Variants in PLXNC1 observed in about 807,000 individuals in gnomAD.
PLXNC1 encodes plexin-C1.
In PLXNC1, 75 loss-of-function variants were observed where a neutral mutation model predicts 178.2. The observed-to-expected ratio is 0.42, with a 90% CI of 0.35 to 0.51. The LOEUF (loss-of-function observed/expected upper bound fraction) is 0.51. Ranked by LOEUF, PLXNC1 falls within the 20% of genes least tolerant of loss-of-function variation. PLXNC1 has a pLI of 0.02. For missense variants in PLXNC1, 1,503 were observed against 1,984.4 expected (o/e 0.76, Z 4.61); for synonymous variants, 790 against 779.9 (o/e 1.01, Z -0.22).
chr12:94,170,610 C>T (rs1961808493), intron 2 of PLXNC1, among the ~76,000 whole-genome samples: 2 of 152,042 alleles, frequency 1.3e-5, no homozygotes, highest in South Asian at 4.2e-4. Flanking sequence ...AAATGTCTTG[C>T]CTGGAGACCT....
chr12:94,264,386 G>A (rs1276506119), intron 20 of PLXNC1, among the ~76,000 whole-genome samples: 1 of 152,194 alleles, frequency 6.6e-6, no homozygotes, highest in Admixed American at 6.5e-5. Flanking sequence ...AGTGTTTGGA[G>A]AAAAACCTTA....
chr12:94,165,544 C>A (rs1313050919), intron 1 of PLXNC1, among the ~76,000 whole-genome samples: 2 of 152,188 alleles, frequency 1.3e-5, no homozygotes, highest in Non-Finnish European at 2.9e-5. Flanking sequence ...AAGCATTTGT[C>A]CACGTCCTGG....
chr12:94,237,072 G>GT (rs1214096824), intron 9 of PLXNC1, among the ~76,000 whole-genome samples: 2 of 152,156 alleles, frequency 1.3e-5, no homozygotes, highest in Non-Finnish European at 2.9e-5. Flanking sequence ...GGAGGTTGTG[G>GT]TATCTACAAA....
At chr12:94,256,763 G>T (rs1964853761) in intron 17 of PLXNC1, among the ~76,000 whole-genome samples, 1 of 143,926 alleles carries the variant, frequency 6.9e-6, no homozygotes, top group African/African-American at 2.6e-5. Flanking sequence ...AAAAAGAAAT[G>T]TTCTTATCTT....
chr12:94,205,181 G>C (rs1447703981), intron 4 of PLXNC1, among the ~76,000 whole-genome samples: 1 of 152,068 alleles, frequency 6.6e-6, no homozygotes, highest in African/African-American at 2.4e-5. Flanking sequence ...GGAAACTTCA[G>C]CTCCTTTTCA....
intron 3 of PLXNC1, among the ~76,000 whole-genome samples, chr12:94,182,896 T>TATCTATC (rs1316136797): frequency 6.6e-6 from 1 of 151,812 alleles, no homozygotes; most frequent in Admixed American, 6.6e-5. Flanking sequence ...TCTATCTATC[T>TATCTATC]ATCTATCTAT....
chr12:94,171,452 A>G (rs993903224), intron 2 of PLXNC1, among the ~76,000 whole-genome samples: 12 of 152,264 alleles, frequency 7.9e-5, no homozygotes, highest in Non-Finnish European at 1.3e-4. Context: ...CCATGACACA[A>G]TGGGGCAGGC....
chr12:94,282,426 T>A, intron 23 of PLXNC1, 25 bp downstream of exon 23: 1 of 1,431,572 alleles, frequency 7.0e-7, no homozygotes, highest in Non-Finnish European at 9.9e-7. Flanking sequence ...TGACCCCGTG[T>A]CTCCTTCCTC....
In PLXNC1 at chr12:94,306,123, T is replaced by G. The variant is rs1476813405; in HGVS notation, c.*838T>G. 6.6e-6 allele frequency: 1 copy of G among 152,138 alleles called. No homozygotes were observed. Among genetic ancestry groups the G allele is most frequent in the Admixed American group, 6.5e-5 (1 of 15,276 alleles). 9.4% of individuals were successfully genotyped at this position (152,138 alleles called of 1,614,324 possible). Reference sequence around the variant, plus strand: ...TTCATTTCTGTTCCAAAACCTTTGATCAGAACGATCTGTGGAAGAGTAACT... The same window carrying G: ...TTCATTTCTGTTCCAAAACCTTTGAGCAGAACGATCTGTGGAAGAGTAACT... On this transcript the variant is annotated 3_prime_UTR_variant, in exon 31 of 31. Coordinates refer to ENST00000258526, the MANE Select transcript of PLXNC1 (RefSeq NM_005761.3).
Position 94,237,597 on chromosome 12 carries a change from CAG to C in PLXNC1, c.1981-65_1981-64del, listed in dbSNP as rs148777015. 454 of 1,443,238 alleles carry C rather than the reference CAG, an allele frequency of 3.1e-4. 4 individuals carry two copies. The African/African-American group carries it at 5.9e-3, about 19-fold the overall frequency. 89.4% of individuals were successfully genotyped at this position (1,443,238 alleles called of 1,614,324 possible). Reference sequence around the variant, plus strand: ...ATTTCTTCGAACTGCAGCGTATAAACAGATTTTTTTGGAGCGATGCCATTTCT... The same window carrying C: ...ATTTCTTCGAACTGCAGCGTATAAACATTTTTTTGGAGCGATGCCATTTCT... On this transcript the variant is annotated intron_variant, in intron 9 of 30. Coordinates refer to ENST00000258526, the MANE Select transcript of PLXNC1 (RefSeq NM_005761.3).
At chr12:94,187,312 G>T (rs1317320438) in intron 4 of PLXNC1, among the ~76,000 whole-genome samples, 1 of 152,194 alleles carries the variant, frequency 6.6e-6, no homozygotes, top group Non-Finnish European at 1.5e-5. Flanking sequence ...GACAGTTTGG[G>T]TTTAGAAAAG....
Position 94,149,209 on chromosome 12 carries a change from T to C in PLXNC1, c.238T>C (p.Tyr80His). The C allele has an allele frequency of 6.3e-7, 1 of 1,585,870 alleles. No homozygotes were observed. Among genetic ancestry groups the C allele is most frequent in the South Asian group, 1.1e-5 (1 of 88,388 alleles). ...CCTGGAGCACAGCCTCTCGCGCCTG[T>C]ACCGGGACCAAGCGGGCAACTGCAC... is the stretch of plus-strand genomic sequence containing the variant. ...YSLEHSLSRL[Y>H]RDQAGNCTEP... The change falls in exon 1 of 31, where the codon TAC becomes CAC. Residue 80 changes from tyrosine to histidine, a missense_variant. By Grantham distance (83) the Tyr-to-His change is moderately conservative. Transcript: ENST00000258526.
chr12:94,152,192 T>A (rs775722645), intron 1 of PLXNC1, among the ~76,000 whole-genome samples: 1 of 152,200 alleles, frequency 6.6e-6, no homozygotes, highest in Non-Finnish European at 1.5e-5. Flanking sequence ...CTTTGCATTT[T>A]TTTTTCATTT....
At chr12:94,208,528 T>C (rs1256007117) in intron 4 of PLXNC1, among the ~76,000 whole-genome samples, 1 of 152,208 alleles carries the variant, frequency 6.6e-6, no homozygotes, top group Non-Finnish European at 1.5e-5. Flanking sequence ...TCGGATCCCC[T>C]CCGGGACTCC....
chr12:94,231,291 A>G (rs1964094538), intron 9 of PLXNC1, among the ~76,000 whole-genome samples: 1 of 152,138 alleles, frequency 6.6e-6, no homozygotes, highest in South Asian at 2.1e-4. Context: ...GCATATGCAC[A>G]GTGTAGGGGT....
In PLXNC1 at chr12:94,220,088, A is replaced by T. The variant is rs114905217; in HGVS notation, c.1627A>T (p.Arg543Trp). ...KCMVKNVDSSRELCQNKSQPN... is the reference protein window; with the variant it reads ...KCMVKNVDSSWELCQNKSQPN... ...CATGGTGAAGAATGTGGACTCTAGC[A>T]GGGAGCTCTGCCAGAATAAAAGTCA... Residue 543 changes from arginine (R) to tryptophan (W), a missense_variant, in exon 6 of 31, where the codon AGG becomes TGG. Around this residue, in one of 4 missense-constraint regions of PLXNC1, gnomAD observed 615 missense variants for 698.6 expected, o/e 0.88. Transcript: ENST00000258526. The T allele has an allele frequency of 2.2e-3, 3,566 of 1,614,044 alleles. 68 individuals are homozygous for T. In the African/African-American group the frequency reaches 0.042, roughly 19 times the overall value.
intron 21 of PLXNC1, among the ~76,000 whole-genome samples, chr12:94,272,901 C>G (rs1295057088): frequency 4.6e-5 from 7 of 152,318 alleles, no homozygotes; most frequent in African/African-American, 1.4e-4. Flanking sequence ...CTATGTCCAG[C>G]CTGTCTCCTG....
At chr12:94,165,756 A>C (rs772872799) in intron 1 of PLXNC1, among the ~76,000 whole-genome samples, 3 of 152,010 alleles carry the variant, frequency 2.0e-5, no homozygotes, top group Non-Finnish European at 4.4e-5. Context: ...AGGAACATAG[A>C]ATCTCTTTTC....
chr12:94,289,422 C>T (rs1488146221), intron 23 of PLXNC1, among the ~76,000 whole-genome samples: 1 of 152,142 alleles, frequency 6.6e-6, no homozygotes, highest in Non-Finnish European at 1.5e-5. Context: ...TTTGAAATTG[C>T]CGTGCGTACC....
Sources: gnomAD v4.1 joint callset for allele counts (sites outside exome capture counted in the v4.1 genomes callset) on GRCh38, gnomAD v4.1.1 for gene constraint, gnomAD v4.1.1 regional missense constraint, MANE v1.5 for transcripts, NCBI Gene and HGNC (gene_info 2026-07-23, HGNC 2026-07-21) for gene names.